Variants in MYH6 observed in about 807,000 individuals in gnomAD.
The protein encoded by MYH6 is myosin-6.
A neutral mutation model predicts 223.2 loss-of-function variants in MYH6; 126 were observed. The ratio of observed to expected loss-of-function variants is 0.56; its 90% confidence interval spans 0.49 to 0.65. The LOEUF is 0.65. MYH6 is among the 30% of genes least tolerant of loss of function. The pLI is 0.00. For synonymous variants in MYH6, 978 were observed against 1,010.2 expected (o/e 0.97, Z 0.61); for missense variants, 2,040 against 2,536.4 (o/e 0.80, Z 4.20).
intron 29 of MYH6, 112 bp downstream of exon 29, chr14:23,388,747 G>A (rs1891125264): frequency 6.7e-7 from 1 of 1,490,092 alleles, no homozygotes; most frequent in Non-Finnish European, 9.4e-7. Context: ...TGCCCTCCGA[G>A]TTCCTCCTGT....
Position 23,405,125 on chromosome 14 carries a change from G to A in MYH6, c.505C>T (p.Arg169Trp), listed in dbSNP as rs745761713. 3 of 1,613,980 alleles carry A rather than the reference G, an allele frequency of 1.9e-6. No homozygotes were observed. The highest frequency in any genetic ancestry group is 4.5e-5 in the East Asian group (2 of 44,878). The change falls in exon 6 of 39, where the codon CGG becomes TGG. Residue 169 changes from arginine to tryptophan, a missense_variant and splice_region_variant. Arg to Trp is a moderately radical substitution (Grantham distance 101). Transcript: ENST00000405093. This position sits in a 1 kb window ranked among gnomAD's most constrained non-coding sequence, Gnocchi z 4.7. ...DNAYQYMLTD[R>W]ENQSILITGE... ...GTGATGAGGATGGACTGGTTCTCCC[G>A]ATCTGGAAGAAAAAAGAGGAGAAGC... is the stretch of plus-strand genomic sequence containing the variant.
chr14:23,400,575 C>A (rs978352935), intron 13 of MYH6, 134 bp downstream of exon 13: 39 of 1,581,804 alleles, frequency 2.5e-5, no homozygotes, highest in Admixed American at 1.3e-4. Flanking sequence ...AAGACAGGGA[C>A]AATGACTGCC....
At chr14:23,390,939 C>A (rs930373129) in intron 25 of MYH6, among the ~76,000 whole-genome samples, 2 of 152,162 alleles carry the variant, frequency 1.3e-5, no homozygotes, top group Non-Finnish European at 2.9e-5. Flanking sequence ...CCAAGTTAAC[C>A]ACAAAGTCCA....
intron 25 of MYH6, among the ~76,000 whole-genome samples, 155 bp downstream of exon 25, chr14:23,392,407 G>A (rs934739556): frequency 6.6e-6 from 1 of 152,124 alleles, no homozygotes; most frequent in Non-Finnish European, 1.5e-5. Context: ...ATGGGGGAAG[G>A]CTAGTGTTCC....
chr14:23,402,626 A>AG (rs1394098319), intron 11 of MYH6, 24 bp from the exon 12 acceptor site: 2 of 1,613,412 alleles, frequency 1.2e-6, no homozygotes, highest in East Asian at 2.2e-5. Flanking sequence ...AGAGACAAAG[A>AG]GGGGGGTTGG....
chr14:23,401,886 A>T (rs2138614118), intron 12 of MYH6, among the ~76,000 whole-genome samples: 1 of 152,296 alleles, frequency 6.6e-6, no homozygotes. Context: ...GTTATCATGA[A>T]CCCCAGCTTG....
intron 38 of MYH6, 67 bp from the exon 39 acceptor site, chr14:23,382,130 C>T (rs1021682959): frequency 1.2e-5 from 18 of 1,479,566 alleles, no homozygotes; most frequent in Non-Finnish European, 1.7e-5. Context: ...GGACAAATCC[C>T]TGGGGCTTTC....
At chr14:23,398,262 C>T (rs149441602) in intron 15 of MYH6, among the ~76,000 whole-genome samples, 1 of 152,060 alleles carries the variant, frequency 6.6e-6, no homozygotes, top group Non-Finnish European at 1.5e-5. Flanking sequence ...GTGATCCACC[C>T]GCCTCGGCCT....
rs1199581432 is a variant in MYH6, at chr14:23,392,863, C to T, written c.3251+49G>A. On this transcript the variant is annotated intron_variant, in intron 24 of 38. Transcript: ENST00000405093. ...GGCGCAGCACCCTGCACTCTATCTA[C>T]CAGGCCAGACACCTCCATTAGCCCC... 3.1e-6 allele frequency: 5 copies of T among 1,609,752 alleles called. No homozygotes were observed. The African/African-American group carries it at 5.3e-5, about 17-fold the overall frequency.
chr14:23,392,427 G>A (rs1304457241), intron 25 of MYH6, 135 bp downstream of exon 25: 3 of 785,838 alleles, frequency 3.8e-6, no homozygotes, highest in Non-Finnish European at 7.0e-6. Flanking sequence ...CTGAGCGCCT[G>A]TAAGTCAGGG....
chr14:23,400,209 T>C, intron 14 of MYH6, 47 bp downstream of exon 14: 1 of 1,613,790 alleles, frequency 6.2e-7, no homozygotes, highest in Non-Finnish European at 8.5e-7. Flanking sequence ...CACCACTTTG[T>C]CTGGATGGCA....
chr14:23,385,186 G>A, intron 34 of MYH6, 145 bp from the exon 35 acceptor site: 1 of 974,914 alleles, frequency 1.0e-6, no homozygotes, highest in Non-Finnish European at 1.6e-6. Context: ...TTTTGTACCT[G>A]CTTTCCCTTT....
chr14:23,397,383 C>T (rs931300046), intron 16 of MYH6, 126 bp from the exon 17 acceptor site: 133 of 1,273,072 alleles, frequency 1.0e-4, no homozygotes, highest in South Asian at 1.6e-4. Context: ...TAATTTGTGA[C>T]GTGAGTTCAG....
At position 23,393,483 on chromosome 14, in the gene MYH6, A is replaced by G. The variant is rs1173628205; in HGVS notation, c.2964T>C (p.Asp988=). The change falls in exon 23 of 39, where the codon GAT becomes GAC. Residue 988 remains aspartate (D), a synonymous_variant. Transcript: ENST00000405093. ...CCTTGGTCAGCTTAGCGATGATTTC[A>G]TCCAGCCCAGCCATCTCCTCTGTTA... ...KNLTEEMAGL[D]EIIAKLTKEK... 3 of 1,614,086 alleles carry G rather than the reference A, an allele frequency of 1.9e-6. No homozygotes were observed. In the East Asian group the frequency reaches 6.7e-5, roughly 36 times the overall value.
At position 23,397,154 on chromosome 14, in the gene MYH6, T is replaced by C; in HGVS notation, c.2050+16A>G. On this transcript the variant is annotated intron_variant, in intron 17 of 38. Coordinates refer to ENST00000405093, the MANE Select transcript of MYH6 (RefSeq NM_002471.4). Reference sequence around the variant, plus strand: ...GCCAGCTGTCCTCCCCAGACTAAGGTCTTCTCCTGGCTCACCTGGAGCCTT... The same window carrying C: ...GCCAGCTGTCCTCCCCAGACTAAGGCCTTCTCCTGGCTCACCTGGAGCCTT... The C allele has an allele frequency of 6.2e-7, 1 of 1,614,134 alleles. No individual in the cohort carries two copies. The highest frequency in any genetic ancestry group is 8.5e-7 in the Non-Finnish European group (1 of 1,180,006).
intron 3 of MYH6, among the ~76,000 whole-genome samples, chr14:23,406,666 C>A (rs796780065): frequency 9.2e-5 from 14 of 152,284 alleles, no homozygotes; most frequent in African/African-American, 3.4e-4. Context: ...AGAAAGTGGA[C>A]TCATGGAGGA....
chr14:23,397,932 C>CTCTTCTTCTTCTTCTTCTTCTTCTTCT (rs55907025), intron 15 of MYH6, among the ~76,000 whole-genome samples: 3 of 90,138 alleles, frequency 3.3e-5, no homozygotes, highest in South Asian at 4.3e-4. Context: ...CCTCCTCCTC[C>CTCTTCTTCTTCTTCTTCTTCTTCTTCT]TCTTCTTCTT....
At chr14:23,392,723 G>A (rs1731449285) in intron 24 of MYH6, 71 bp from the exon 25 acceptor site, 2 of 1,454,902 alleles carry the variant, frequency 1.4e-6, no homozygotes, top group African/African-American at 1.4e-5. Context: ...TCTCTTCTTG[G>A]CCTTAGTATG....
chr14:23,383,341 G>GCCCCCCCCCC, intron 36 of MYH6, 21 bp from the exon 37 acceptor site: 3 of 556,580 alleles, frequency 5.4e-6, no homozygotes, highest in Non-Finnish European at 9.8e-6. Flanking sequence ...GAGGGTGGGA[G>GCCCCCCCCCC]AAGCTGGTTT....
Sources: gnomAD v4.1 joint callset for allele counts (sites outside exome capture counted in the v4.1 genomes callset) on GRCh38, gnomAD v4.1.1 for gene constraint, Gnocchi (gnomAD v3.1) non-coding constraint, MANE v1.5 for transcripts, NCBI Gene and HGNC (gene_info 2026-07-23, HGNC 2026-07-21) for gene names.